GABRG1: variants seen among roughly 807,000 people sequenced by gnomAD.
GABRG1 encodes the protein gamma-aminobutyric acid type A receptor subunit gamma1.
A neutral mutation model predicts 49.8 loss-of-function variants in GABRG1; 49 were observed. The ratio of observed to expected loss-of-function variants is 0.98; its 90% CI spans 0.78 to 1.25. The LOEUF (loss-of-function observed/expected upper bound fraction) is 1.25, where lower values mean the gene tolerates loss of function less well. Among genes scored for constraint, GABRG1 ranks in the 50% most tolerant of loss-of-function variants. The pLI is 0.00. For missense variants in GABRG1, 552 were observed against 552.3 expected (o/e 1.00, Z 0.01); for synonymous variants, 232 against 185.1 (o/e 1.25, Z -2.06).
chr4:46,042,991 A>G, intron 8 of GABRG1, among the ~76,000 whole-genome samples: 1 of 151,936 alleles, frequency 6.6e-6, no homozygotes, highest in Non-Finnish European at 1.5e-5. Context: ...ATTTTAATGG[A>G]GCACTAAAAT....
chr4:46,103,772 A>G (rs1245845019), intron 1 of GABRG1, among the ~76,000 whole-genome samples: 1 of 151,442 alleles, frequency 6.6e-6, no homozygotes, highest in African/African-American at 2.4e-5. Context: ...ACTAATAAAC[A>G]CAATTGACTG....
intron 1 of GABRG1, among the ~76,000 whole-genome samples, chr4:46,114,767 A>G (rs2109443374): frequency 6.6e-6 from 1 of 151,190 alleles, no homozygotes; most frequent in South Asian, 2.1e-4. Context: ...ATTATGGTAG[A>G]TAACCTAACA....
intron 1 of GABRG1, among the ~76,000 whole-genome samples, chr4:46,099,303 T>A (rs961862733): frequency 2.0e-5 from 3 of 151,654 alleles, no homozygotes; most frequent in Non-Finnish European, 4.4e-5. Context: ...TTAGTGTCAG[T>A]GAAGTTTATT....
chr4:46,123,774 A>G, intron 1 of GABRG1, 36 bp downstream of exon 1: 1 of 1,463,082 alleles, frequency 6.8e-7, no homozygotes, highest in Non-Finnish European at 9.6e-7. Flanking sequence ...AGGGGTAGAT[A>G]GCAAAGAATA....
chr4:46,114,242 A>C (rs1720816226), intron 1 of GABRG1, among the ~76,000 whole-genome samples: 1 of 151,104 alleles, frequency 6.6e-6, no homozygotes, highest in Non-Finnish European at 1.5e-5. Flanking sequence ...GTGCAGCTGA[A>C]GCAAGCACTA....
intron 8 of GABRG1, among the ~76,000 whole-genome samples, chr4:46,046,171 C>T (rs1029385767): frequency 1.6e-4 from 24 of 152,054 alleles, no homozygotes; most frequent in Admixed American, 1.4e-3. Flanking sequence ...CCATGCTCCA[C>T]TATTACTGTT....
intron 1 of GABRG1, among the ~76,000 whole-genome samples, chr4:46,104,859 T>C (rs1034543053): frequency 5.3e-5 from 8 of 151,468 alleles, no homozygotes; most frequent in African/African-American, 1.9e-4. Flanking sequence ...GTATTAGTAT[T>C]AATCTTTTAA....
chr4:46,086,398 A>G (rs1719754174), intron 2 of GABRG1, among the ~76,000 whole-genome samples: 1 of 151,670 alleles, frequency 6.6e-6, no homozygotes, highest in African/African-American at 2.4e-5. Flanking sequence ...AAACTACAAT[A>G]GATTTTAAAA....
chr4:46,053,182 A>T (rs2109399023), intron 7 of GABRG1, among the ~76,000 whole-genome samples: 1 of 151,890 alleles, frequency 6.6e-6, no homozygotes, highest in East Asian at 1.9e-4. Flanking sequence ...TGTCAGTTAT[A>T]TTATTTTTAT....
rs2109389840 is a variant in GABRG1, at chr4:46,040,345, T to C, written c.*643A>G. ...TGCAAATCACCAAAGTAAATGCAAC[T>C]GGCGTTCTGTTTAATATTGTGTCAG... On this transcript the variant is annotated 3_prime_UTR_variant, in exon 9 of 9. Transcript: ENST00000295452. 1 of 152,390 alleles carries C rather than the reference T, an allele frequency of 6.6e-6. No homozygotes were observed. Among genetic ancestry groups the C allele is most frequent in the African/African-American group, 2.4e-5 (1 of 41,560 alleles). The allele number at this position is 152,390 out of a possible 1,614,324, so 9.4% of individuals were successfully genotyped here.
At chr4:46,045,328 A>T (rs1394955311) in intron 8 of GABRG1, among the ~76,000 whole-genome samples, 2 of 152,112 alleles carry the variant, frequency 1.3e-5, no homozygotes, top group Non-Finnish European at 2.9e-5. Context: ...TGAAATCTTG[A>T]AAAAACTGCT....
At chr4:46,111,738 G>C (rs752024431) in intron 1 of GABRG1, among the ~76,000 whole-genome samples, 5 of 151,358 alleles carry the variant, frequency 3.3e-5, no homozygotes, top group Non-Finnish European at 5.9e-5. Context: ...TAAGCAATGA[G>C]AAAAGGACTC....
intron 2 of GABRG1, among the ~76,000 whole-genome samples, chr4:46,091,830 TA>T (rs1220316450): frequency 6.6e-6 from 1 of 152,040 alleles, no homozygotes; most frequent in Non-Finnish European, 1.5e-5. Flanking sequence ...AGAAGCTCTG[TA>T]AACTCCTCAA....
intron 3 of GABRG1, among the ~76,000 whole-genome samples, chr4:46,076,121 A>T (rs1052252050): frequency 1.1e-4 from 16 of 151,776 alleles, no homozygotes; most frequent in Non-Finnish European, 2.1e-4. Context: ...AAATCTACAG[A>T]TGAGAAAAAT....
intron 3 of GABRG1, among the ~76,000 whole-genome samples, chr4:46,083,558 A>G (rs562094927): frequency 7.3e-5 from 11 of 151,690 alleles, no homozygotes; most frequent in Admixed American, 4.6e-4. Flanking sequence ...TTTATATTCC[A>G]GTAACATCAA....
chr4:46,056,138 T>TAAAA (rs1473383568), intron 7 of GABRG1, among the ~76,000 whole-genome samples: 8 of 7,884 alleles, frequency 1.0e-3, no homozygotes, highest in Admixed American at 1.8e-3. Context: ...AAAAAAAAAA[T>TAAAA]AAATAAATAA....
At chr4:46,084,904 T>G (rs1719698958) in intron 2 of GABRG1, among the ~76,000 whole-genome samples, 1 of 151,560 alleles carries the variant, frequency 6.6e-6, no homozygotes, top group Admixed American at 6.6e-5. Flanking sequence ...TCTGACTAGC[T>G]AAGACTTGTA....
intron 2 of GABRG1, among the ~76,000 whole-genome samples, chr4:46,090,212 C>T (rs1004672832): frequency 6.6e-6 from 1 of 151,988 alleles, no homozygotes; most frequent in African/African-American, 2.4e-5. Context: ...GAAAAAAATG[C>T]TACTATTCAT....
chr4:46,105,680 C>A (rs2109436948), intron 1 of GABRG1, among the ~76,000 whole-genome samples: 1 of 151,376 alleles, frequency 6.6e-6, no homozygotes, highest in East Asian at 2.0e-4. Flanking sequence ...TGGGTTGGAT[C>A]AACATCACAC....
Sources: allele counts gnomAD v4.1 joint callset (sites outside exome capture counted in the v4.1 genomes callset), GRCh38; gene constraint gnomAD v4.1.1; transcripts MANE v1.5; gene names NCBI Gene and HGNC (gene_info 2026-07-23, HGNC 2026-07-21).